The following B3GAT2 variants were observed in gnomAD, a reference collection of about 807,000 sequenced individuals.
B3GAT2 encodes beta-1,3-glucuronyltransferase 2, also known as galactosylgalactosylxylosylprotein 3-beta-glucuronosyltransferase 2.
In B3GAT2, 26 loss-of-function variants were observed where a neutral mutation model predicts 27.8. The ratio of observed to expected loss-of-function variants is 0.93; its 90% CI spans 0.68 to 1.30. The LOEUF is 1.30. Among genes scored for constraint, B3GAT2 ranks in the 50% most tolerant of loss-of-function variants. The pLI is 0.00. For synonymous variants in B3GAT2, 218 were observed against 195.1 expected (o/e 1.12, Z -0.98); for missense variants, 458 against 459.0 (o/e 1.00, Z 0.02).
chr6:70,930,789 A>C lies in B3GAT2; in HGVS notation c.591+25050T>G, dbSNP rs112013033. ...AAGACAGTGTGGTGATTCCTCAAGG[A>C]TCTAGAACTAGAAATACCATTTGAC... On this transcript the variant is annotated intron_variant, in intron 1 of 3. Transcript: ENST00000230053. Among the ~76,000 whole-genome samples the C allele has an allele frequency of 9.3e-3, 1,418 of 152,292 alleles. 11 individuals carry two copies. Among genetic ancestry groups the C allele is most frequent in the Middle Eastern group, 0.048 (14 of 294 alleles).
At chr6:70,938,520 TAACCAAAACAGCATGGTACTGG>T in intron 1 of B3GAT2, among the ~76,000 whole-genome samples, 1 of 151,528 alleles carries the variant, frequency 6.6e-6, no homozygotes, top group Non-Finnish European at 1.5e-5. Flanking sequence ...AAGGCTACAG[TAACCAAAACAGCATGGTACTGG>T]TACCAAAACA....
intron 1 of B3GAT2, 79 bp from the exon 2 acceptor site, chr6:70,894,351 A>T (rs1156330216): frequency 1.4e-6 from 2 of 1,420,446 alleles, no homozygotes. Context: ...TATGTAGAAG[A>T]AGTAGGGCTG....
chr6:70,894,315 A>T, intron 1 of B3GAT2, 43 bp from the exon 2 acceptor site: 1 of 1,521,946 alleles, frequency 6.6e-7, no homozygotes, highest in Non-Finnish European at 8.9e-7. Context: ...TTCCTTAGGA[A>T]AAAGAGGGAG....
chr6:70,902,779 T>C (rs892190304), intron 1 of B3GAT2, among the ~76,000 whole-genome samples: 16 of 151,904 alleles, frequency 1.1e-4, no homozygotes, highest in African/African-American at 3.6e-4. Context: ...CTAAGTAAAA[T>C]TCACCAGGCT....
intron 2 of B3GAT2, among the ~76,000 whole-genome samples, chr6:70,871,869 G>A (rs917589760): frequency 5.3e-5 from 8 of 151,876 alleles, no homozygotes; most frequent in South Asian, 2.1e-4. Context: ...TACTCTGGCT[G>A]TACCCCCATA....
chr6:70,859,572 G>A lies in B3GAT2; in HGVS notation c.*2091C>T. On this transcript the variant is annotated 3_prime_UTR_variant, in exon 4 of 4. Coordinates refer to ENST00000230053, the MANE Select transcript of B3GAT2 (RefSeq NM_080742.3). The stretch of plus-strand genomic sequence containing the variant: ...TAAGTTTTAAACCCACTCACTATAT[G>A]GTAAATCTTGCCTTTCCTTCTCTTA... 3 of 463,728 alleles carry A rather than the reference G, an allele frequency of 6.5e-6. No individual in the cohort carries two copies. The highest frequency in any genetic ancestry group is 3.7e-6 in the Non-Finnish European group (1 of 268,624). 28.7% of individuals were successfully genotyped at this position (463,728 alleles called of 1,614,324 possible).
At position 70,857,845 on chromosome 6, in the gene B3GAT2, A is replaced by G. The variant is rs115040345; in HGVS notation, c.*3818T>C. ...TTGCTGTGAGTAGTTCAGAAAGGCA[A>G]TTTTTCTGTGATTATAGAGATGAGT... On this transcript the variant is annotated 3_prime_UTR_variant, in exon 4 of 4. Transcript: ENST00000230053. 1,156 of 1,522,724 alleles carry G rather than the reference A, an allele frequency of 7.6e-4. 6 individuals carry two copies. In the African/African-American group the frequency reaches 0.013, roughly 18 times the overall value. 94.3% of individuals were successfully genotyped at this position (1,522,724 alleles called of 1,614,324 possible).
rs989414032 is a variant in B3GAT2, at chr6:70,857,938, C to T, written c.*3725G>A. The T allele has an allele frequency of 1.2e-6, 2 of 1,613,796 alleles. No individual in the cohort carries two copies. The highest frequency in any genetic ancestry group is 2.7e-5 in the African/African-American group (2 of 74,878). On this transcript the variant is annotated 3_prime_UTR_variant, in exon 4 of 4. Coordinates refer to ENST00000230053, the MANE Select transcript of B3GAT2 (RefSeq NM_080742.3). ...GTGGTGCAGGTGTATTTATGGGACC[C>T]ACAAATATACCATTTACCTCACAAG...
chr6:70,860,196 A>G lies in B3GAT2; in HGVS notation c.*1467T>C, dbSNP rs1330878660. The G allele has an allele frequency of 3.1e-6, 5 of 1,604,140 alleles. No individual in the cohort carries two copies. Among genetic ancestry groups the G allele is most frequent in the Non-Finnish European group, 3.4e-6 (4 of 1,176,532 alleles). On this transcript the variant is annotated 3_prime_UTR_variant, in exon 4 of 4. Transcript: ENST00000230053. ...TTGAACTAAGCCTTTTATATGTTTC[A>G]CAGATGAATCAGCAGATGGCTGGCA...
At chr6:70,887,456 T>C (rs1246652867) in intron 2 of B3GAT2, among the ~76,000 whole-genome samples, 1 of 152,100 alleles carries the variant, frequency 6.6e-6, no homozygotes, top group African/African-American at 2.4e-5. Context: ...TTTTTAAAGG[T>C]TTGCCTGGTA....
chr6:70,862,567 G>C (rs899506886), intron 2 of B3GAT2, among the ~76,000 whole-genome samples: 1 of 151,984 alleles, frequency 6.6e-6, no homozygotes, highest in Non-Finnish European at 1.5e-5. Flanking sequence ...GGGTATGTGG[G>C]GCAGAAATCA....
chr6:70,941,891 G>T (rs1294351726), intron 1 of B3GAT2, among the ~76,000 whole-genome samples: 1 of 152,022 alleles, frequency 6.6e-6, no homozygotes, highest in African/African-American at 2.4e-5. Flanking sequence ...TCCTACCCTG[G>T]TATTCTAGTG....
intron 2 of B3GAT2, among the ~76,000 whole-genome samples, chr6:70,863,849 C>T (rs765960674): frequency 1.3e-5 from 2 of 152,006 alleles, no homozygotes; most frequent in Non-Finnish European, 2.9e-5. Flanking sequence ...TGGGAAAGTT[C>T]CAGGTAGCAA....
At chr6:70,878,252 T>C (rs1772045631) in intron 2 of B3GAT2, among the ~76,000 whole-genome samples, 1 of 152,210 alleles carries the variant, frequency 6.6e-6, no homozygotes, top group Admixed American at 6.5e-5. Flanking sequence ...TAGATAAGTG[T>C]GTTAAACATG....
chr6:70,896,540 A>G (rs1218549846), intron 1 of B3GAT2, among the ~76,000 whole-genome samples: 2 of 152,130 alleles, frequency 1.3e-5, no homozygotes, highest in Non-Finnish European at 2.9e-5. Context: ...CATTTCTCCA[A>G]TCCCTTTTTA....
At chr6:70,954,505 G>A (rs1035534957) in intron 1 of B3GAT2, among the ~76,000 whole-genome samples, 2 of 152,156 alleles carry the variant, frequency 1.3e-5, no homozygotes, top group Admixed American at 1.3e-4. Context: ...AAATTAAACT[G>A]GAAGAGTACA....
intron 1 of B3GAT2, among the ~76,000 whole-genome samples, chr6:70,938,514 C>T (rs1456709618): frequency 6.6e-6 from 1 of 151,632 alleles, no homozygotes; most frequent in Non-Finnish European, 1.5e-5. Context: ...TACTACAAGG[C>T]TACAGTAACC....
Position 70,857,797 on chromosome 6 carries a change from C to A in B3GAT2, c.*3866G>T. On this transcript the variant is annotated 3_prime_UTR_variant, in exon 4 of 4. Transcript: ENST00000230053. ...TGTGGGTTGGTCTGAGTAGTAGGAGCAGCCAAACTGGAATTAAAATGTTTG... is the reference window on the plus strand; with the variant it reads ...TGTGGGTTGGTCTGAGTAGTAGGAGAAGCCAAACTGGAATTAAAATGTTTG... 1 of 1,052,068 alleles carries A rather than the reference C, an allele frequency of 9.5e-7. No homozygotes were observed. Among genetic ancestry groups the A allele is most frequent in the Non-Finnish European group, 1.4e-6 (1 of 735,216 alleles). 65.2% of individuals were successfully genotyped at this position (1,052,068 alleles called of 1,614,324 possible).
At chr6:70,954,327 AGCTTATTTATTCATTT>A (rs1765617093) in intron 1 of B3GAT2, among the ~76,000 whole-genome samples, 1 of 152,242 alleles carries the variant, frequency 6.6e-6, no homozygotes, top group African/African-American at 2.4e-5. Context: ...TACAATGCCA[AGCTTATTTATTCATTT>A]GGAGAAACGT....
Sources: gnomAD v4.1 joint callset for allele counts (sites outside exome capture counted in the v4.1 genomes callset) on GRCh38, gnomAD v4.1.1 for gene constraint, MANE v1.5 for transcripts, NCBI Gene and HGNC (gene_info 2026-07-23, HGNC 2026-07-21) for gene names.